The following SLC17A4 variants were observed in gnomAD, a reference collection of about 807,000 sequenced individuals.
The protein encoded by SLC17A4 is probable small intestine urate exporter.
Under a neutral mutation model 52.5 loss-of-function variants are expected in SLC17A4, and 33 were observed. That is an observed-to-expected ratio of 0.63 (90% CI 0.48 to 0.84). SLC17A4 has a LOEUF of 0.84. SLC17A4 is among the 40% of genes least tolerant of loss of function. The probability of loss-of-function intolerance (pLI) is 0.00; values close to 1 mark genes in which losing one functional copy is unlikely to be tolerated. For synonymous variants in SLC17A4, 225 were observed against 216.2 expected, an observed-to-expected ratio of 1.04 and a Z score of -0.36; for missense variants, 585 against 597.1, an observed-to-expected ratio of 0.98 and a Z score of 0.21.
intron 2 of SLC17A4, among the ~76,000 whole-genome samples, chr6:25,766,311 G>C (rs994792196): frequency 2.6e-5 from 4 of 151,970 alleles, no homozygotes; most frequent in African/African-American, 9.7e-5. Context: ...ATATATTCTA[G>C]TAGTTTCACT....
chr6:25,777,610 AAC>A, intron 10 of SLC17A4: 1 of 225,228 alleles, frequency 4.4e-6, no homozygotes, highest in East Asian at 9.6e-5. Context: ...CAACAACAAA[AAC>A]CTTACAAACC....
intron 8 of SLC17A4, 69 bp from the exon 9 acceptor site, chr6:25,776,526 T>C (rs997645870): frequency 6.5e-7 from 1 of 1,531,570 alleles, no homozygotes; most frequent in African/African-American, 1.4e-5. Context: ...GGACAGTCTG[T>C]CCAAGGTTGT....
chr6:25,776,505 G>A, intron 8 of SLC17A4, 90 bp from the exon 9 acceptor site: 1 of 1,475,396 alleles, frequency 6.8e-7, no homozygotes, highest in Non-Finnish European at 9.1e-7. Flanking sequence ...ATAAAGAAAA[G>A]CCACAAATGT....
Position 25,762,005 on chromosome 6 carries a change from T to TAAA in SLC17A4, c.43_44insAAA (p.Ser15delinsTer), listed in dbSNP as rs752280851. ...TGTCAAGGCTACAGTGGGGGACATT[T>TAAA]CCAGTGATGGCAATTTAAACGTGGC... On this transcript the variant is annotated stop_gained, in exon 2 of 12. Coordinates refer to ENST00000377905, the MANE Select transcript of SLC17A4 (RefSeq NM_005495.3). LOFTEE classifies it high-confidence loss of function. The TAAA allele has an allele frequency of 1.5e-4, 240 of 1,613,686 alleles. No homozygotes were observed. Among genetic ancestry groups the TAAA allele is most frequent in the Admixed American group, 5.0e-4 (30 of 59,980 alleles).
rs185229157 is a variant in SLC17A4 at position 25,774,567 on chromosome 6, G to T, written c.987+893G>T. Among the ~76,000 whole-genome samples the T allele has an allele frequency of 3.5e-4, 53 of 152,256 alleles. No homozygotes were observed. In the East Asian group the frequency reaches 7.5e-3, roughly 22 times the overall value. ...TCTGGGTCTTTTCAAAGAGGAAGAG[G>T]GCCAGAAATTAAACCAGAACCTTAA... is the stretch of plus-strand genomic sequence containing the variant. On this transcript the variant is annotated intron_variant, in intron 8 of 11. Transcript: ENST00000377905.
chr6:25,770,405 T>C lies in SLC17A4; in HGVS notation c.553T>C (p.Tyr185His), dbSNP rs1217327106. 6.2e-7 allele frequency: 1 copy of C among 1,614,108 alleles called. No homozygotes were observed. The highest frequency in any genetic ancestry group is 1.3e-5 in the African/African-American group (1 of 75,034). ...CCAGGTTATGGTATTAACTGGTCAG[T>C]ATTCAATTTGGGTCAAATGGGCTCC... ...IAQVMVLTGQ[Y>H]SIWVKWAPPL... The change falls in exon 5 of 12, where the codon TAT becomes CAT. Residue 185 changes from tyrosine (Y) to histidine (H), a missense_variant. Physicochemically the swap from Tyr to His is moderately conservative, Grantham distance 83. Transcript: ENST00000377905.
rs1048598317 is a variant in SLC17A4 at position 25,780,393 on chromosome 6, G to A, written c.*1205G>A. On this transcript the variant is annotated 3_prime_UTR_variant, in exon 12 of 12. Transcript: ENST00000377905. ...GGATGATAAGTGCACTAATCTGAGT[G>A]TAAGGAAGGGCCACCCCTGCAAAGT... 6 of 152,202 alleles carry A rather than the reference G, an allele frequency of 3.9e-5. No homozygotes were observed. The highest frequency in any genetic ancestry group is 1.4e-4 in the African/African-American group (6 of 41,444). 9.4% of individuals were successfully genotyped at this position (152,202 alleles called of 1,614,324 possible).
In SLC17A4 at chr6:25,771,016, A is replaced by G; in HGVS notation, c.706+4A>G. ...CCTTACGTCTTCTATATCTTTGGTG[A>G]GTGTGCTTTTCAAATCTCCAATTTT... On this transcript the variant is annotated splice_donor_region_variant and intron_variant, in intron 6 of 11. Coordinates refer to ENST00000377905, the MANE Select transcript of SLC17A4 (RefSeq NM_005495.3). The G allele has an allele frequency of 1.9e-6, 3 of 1,612,212 alleles. No individual in the cohort carries two copies. The highest frequency in any genetic ancestry group is 2.5e-6 in the Non-Finnish European group (3 of 1,178,410).
At chr6:25,756,801 A>G (rs528810022) in intron 1 of SLC17A4, among the ~76,000 whole-genome samples, 47 of 152,352 alleles carry the variant, frequency 3.1e-4, no homozygotes, top group Non-Finnish European at 2.8e-4. Context: ...TTACTGAATC[A>G]ATGAATGAAC....
chr6:25,762,132 A>G (rs1761596069), intron 2 of SLC17A4, 79 bp downstream of exon 2: 1 of 1,268,576 alleles, frequency 7.9e-7, no homozygotes, highest in Non-Finnish European at 1.1e-6. Flanking sequence ...AAATAAAACT[A>G]GGATCTGTGG....
chr6:25,761,496 G>A (rs1449996021), intron 1 of SLC17A4, among the ~76,000 whole-genome samples: 11 of 152,148 alleles, frequency 7.2e-5, no homozygotes, highest in Admixed American at 6.5e-4. Flanking sequence ...TTGCAGCTAC[G>A]TAAAAGGGTG....
At position 25,770,320 on chromosome 6, in the gene SLC17A4, G is replaced by A; in HGVS notation, c.531+20G>A. 6.2e-7 allele frequency: 1 copy of A among 1,613,648 alleles called. No individual in the cohort carries two copies. The highest frequency in any genetic ancestry group is 8.5e-7 in the Non-Finnish European group (1 of 1,179,564). On this transcript the variant is annotated intron_variant, in intron 4 of 11. Coordinates refer to ENST00000377905, the MANE Select transcript of SLC17A4 (RefSeq NM_005495.3). ...GCCCAGGTACCAAGATGTTTTCCAGGTATAAGTGGAATATAGGTTCCAGAA... is the reference window on the plus strand; with the variant it reads ...GCCCAGGTACCAAGATGTTTTCCAGATATAAGTGGAATATAGGTTCCAGAA...
At chr6:25,766,069 T>TA (rs1265478225) in intron 2 of SLC17A4, among the ~76,000 whole-genome samples, 1 of 151,042 alleles carries the variant, frequency 6.6e-6, no homozygotes, top group Non-Finnish European at 1.5e-5. Context: ...TTATAATTTA[T>TA]AATTATAAAA....
chr6:25,778,895 G>A (rs1763157078), intron 11 of SLC17A4, among the ~76,000 whole-genome samples, 159 bp from the exon 12 acceptor site: 1 of 152,190 alleles, frequency 6.6e-6, no homozygotes, highest in Admixed American at 6.5e-5. Flanking sequence ...TGGACTCATG[G>A]CAGAAATGTA....
chr6:25,770,398 T>A lies in SLC17A4; in HGVS notation c.546T>A (p.Thr182=), dbSNP rs1173356384. ...TTTCCCCCCAGGTTATGGTATTAAC[T>A]GGTCAGTATTCAATTTGGGTCAAAT... ...VQGIAQVMVL[T]GQYSIWVKWA... Residue 182 remains threonine, a synonymous_variant, in exon 5 of 12, where the codon ACT becomes ACA. Transcript: ENST00000377905. 1.2e-6 allele frequency: 2 copies of A among 1,614,008 alleles called. No homozygotes were observed. The highest frequency in any genetic ancestry group is 3.3e-5 in the Admixed American group (2 of 60,002).
At chr6:25,765,845 T>C (rs1222487829) in intron 2 of SLC17A4, among the ~76,000 whole-genome samples, 1 of 152,008 alleles carries the variant, frequency 6.6e-6, no homozygotes, top group African/African-American at 2.4e-5. Flanking sequence ...TAATGTGAAC[T>C]CAAATCATGA....
At chr6:25,773,135 A>T (rs1762617641) in intron 6 of SLC17A4, 140 bp from the exon 7 acceptor site, 1 of 723,548 alleles carries the variant, frequency 1.4e-6, no homozygotes, top group Non-Finnish European at 2.5e-6. Context: ...CTCCCCCATG[A>T]TAGGGCCATG....
Position 25,779,260 on chromosome 6 carries a change from A to C in SLC17A4, c.*72A>C. 1 of 1,587,054 alleles carries C rather than the reference A, an allele frequency of 6.3e-7. No individual in the cohort carries two copies. The highest frequency in any genetic ancestry group is 8.6e-7 in the Non-Finnish European group (1 of 1,163,152). ...TTTCCCTCACAGACATTTCTCTTTC[A>C]TGCCTGCTTGACTGATAAGCCATTA... On this transcript the variant is annotated 3_prime_UTR_variant, in exon 12 of 12. Transcript: ENST00000377905.
chr6:25,762,377 C>T lies in SLC17A4; in HGVS notation c.91+324C>T, dbSNP rs76916618. On this transcript the variant is annotated intron_variant, in intron 2 of 11. Transcript: ENST00000377905. Reference sequence around the variant, plus strand: ...TCTGATTCTAAGTCCAAGACATGTCCTATTAGATCTCTCTGCTCATGTTAA... The same window carrying T: ...TCTGATTCTAAGTCCAAGACATGTCTTATTAGATCTCTCTGCTCATGTTAA... 1.6e-3 allele frequency among the ~76,000 whole-genome samples: 249 copies of T among 152,226 alleles called. 5 individuals are homozygous for T. The East Asian group carries it at 0.027, about 17-fold the overall frequency.
Sources: gnomAD v4.1 joint callset for allele counts (sites outside exome capture counted in the v4.1 genomes callset) on GRCh38, gnomAD v4.1.1 for gene constraint, MANE v1.5 for transcripts, NCBI Gene and HGNC (gene_info 2026-07-23, HGNC 2026-07-21) for gene names.